The following CELF2 variants were observed in gnomAD, a reference collection of about 807,000 sequenced individuals.
The protein encoded by CELF2 is CUG triplet repeat RNA-binding protein 2.
In CELF2, 8 loss-of-function variants were observed where a neutral mutation model predicts 62.6. The observed-to-expected ratio is 0.13, with a 90% CI of 0.07 to 0.23. The LOEUF is 0.23. CELF2 is among the 10% of genes least tolerant of loss of function. The probability of loss-of-function intolerance (pLI) is 1.00; values close to 1 mark genes in which losing one functional copy is unlikely to be tolerated. For missense variants in CELF2, 333 were observed against 671.0 expected, an observed-to-expected ratio of 0.50 and a Z score of 5.56; for synonymous variants, 258 against 250.0, an observed-to-expected ratio of 1.03 and a Z score of -0.30.
intron 10 of CELF2, chr10:11,317,181 A>G (rs1462272719): frequency 6.6e-6 from 1 of 152,076 alleles, no homozygotes; most frequent in African/African-American, 2.4e-5. Flanking sequence ...ATTGTTTAAA[A>G]AAAAAAAAAC....
chr10:11,328,755 G>A lies in CELF2; in HGVS notation c.1439-171G>A, dbSNP rs1022058869. ...TGCTCCACAGCTGCTCAGTGGGCAC[G>A]CCCCATCATCCACTCACGGTGGACT... On this transcript the variant is annotated intron_variant, in intron 12 of 12. Transcript: ENST00000633077. This position sits in a 1 kb window ranked among gnomAD's most constrained non-coding sequence, Gnocchi z 6.4. 3.9e-5 allele frequency among the ~76,000 whole-genome samples: 6 copies of A among 152,164 alleles called. No individual in the cohort carries two copies. Among genetic ancestry groups the A allele is most frequent in the Non-Finnish European group, 5.9e-5 (4 of 68,014 alleles).
chr10:10,479,909 A>C, the CELF2 span, among the ~76,000 whole-genome samples: 1 of 152,354 alleles, frequency 6.6e-6, no homozygotes, highest in East Asian at 1.9e-4. Context: ...AAGAAAACGT[A>C]ACTGTGCATT....
intron 8 of CELF2, among the ~76,000 whole-genome samples, chr10:11,287,414 G>A (rs560802721): frequency 3.3e-5 from 5 of 152,270 alleles, no homozygotes; most frequent in South Asian, 2.1e-4. Context: ...CTAACTATCC[G>A]GTGTAGACAC....
chr10:11,101,926 T>A lies in CELF2; in HGVS notation c.75-63560T>A, dbSNP rs17149511. Among the ~76,000 whole-genome samples the A allele has an allele frequency of 9.3e-4, 142 of 152,250 alleles. 2 individuals carry two copies. The East Asian group carries it at 0.025, about 27-fold the overall frequency. ...TGAGGTATCCTGGTTTAAAGCAATT[T>A]CCTGGGAGAAAGCATCAAACTCCCA... On this transcript the variant is annotated intron_variant, in intron 1 of 12. Coordinates refer to ENST00000633077, the MANE Select transcript of CELF2 (RefSeq NM_001326342.2).
rs1229040418 is a variant in CELF2, at chr10:11,329,456, T to C, written c.*403T>C. On this transcript the variant is annotated 3_prime_UTR_variant, in exon 13 of 13. Transcript: ENST00000633077. The surrounding 1 kb of genome is among the most constrained non-coding windows in gnomAD (Gnocchi z 5.5). ...TGTGCAATTCTAACTCTGAAACCAC[T>C]GGTGCCCCGAGAGCACTGCCTGGAG... The C allele has an allele frequency of 6.5e-6, 1 of 153,070 alleles. No homozygotes were observed. Among genetic ancestry groups the C allele is most frequent in the African/African-American group, 2.4e-5 (1 of 41,566 alleles). 9.5% of individuals were successfully genotyped at this position (153,070 alleles called of 1,614,324 possible). A position where few individuals can be genotyped will look rare whatever the true frequency, so the allele number is the denominator to read the frequency against.
At chr10:11,186,591 C>G (rs1008933610) in intron 2 of CELF2, among the ~76,000 whole-genome samples, 1 of 152,088 alleles carries the variant, frequency 6.6e-6, no homozygotes, top group Admixed American at 6.5e-5. Flanking sequence ...GTGGGTTATT[C>G]AGAATGTGTC....
intron 1 of CELF2, among the ~76,000 whole-genome samples, chr10:10,842,228 T>C (rs1005659757): frequency 2.6e-5 from 4 of 152,076 alleles, no homozygotes; most frequent in African/African-American, 9.6e-5. Context: ...AATTATGCCA[T>C]CTAAAATAAA....
At chr10:11,287,173 C>T (rs971370676) in intron 8 of CELF2, among the ~76,000 whole-genome samples, 6 of 152,090 alleles carry the variant, frequency 3.9e-5, no homozygotes, top group East Asian at 1.9e-4. Context: ...GAATTTGCTC[C>T]GTAGATATTG....
intron 1 of CELF2, among the ~76,000 whole-genome samples, chr10:11,048,262 T>C (rs1303853858): frequency 2.0e-5 from 3 of 152,242 alleles, no homozygotes; most frequent in Non-Finnish European, 4.4e-5. Context: ...TTATTAACAC[T>C]CTTGACAATA....
chr10:11,133,242 A>G (rs1207049882), intron 1 of CELF2, among the ~76,000 whole-genome samples: 2 of 152,220 alleles, frequency 1.3e-5, no homozygotes, highest in African/African-American at 4.8e-5. Context: ...AACCAGGTAG[A>G]GTAACAGATT....
intron 2 of CELF2, among the ~76,000 whole-genome samples, chr10:10,987,940 T>C (rs766117611): frequency 2.1e-5 from 3 of 141,742 alleles, no homozygotes; most frequent in Non-Finnish European, 4.4e-5. Flanking sequence ...AGAATGGCCG[T>C]AATTAAAACG....
chr10:10,675,829 A>G, the CELF2 span, among the ~76,000 whole-genome samples: 1 of 151,988 alleles, frequency 6.6e-6, no homozygotes, highest in African/African-American at 2.4e-5. Context: ...TAGGATTTCC[A>G]TCTCTTTTCT....
chr10:10,650,952 T>C, the CELF2 span, among the ~76,000 whole-genome samples: 1 of 152,100 alleles, frequency 6.6e-6, no homozygotes, highest in African/African-American at 2.4e-5. Context: ...CATTTCCATC[T>C]GAGGTACCGG....
intron 1 of CELF2, among the ~76,000 whole-genome samples, chr10:11,025,714 G>C (rs4750013): frequency 0.74 from 112,354 of 152,232 alleles, 45,125 homozygotes; most frequent in East Asian, 0.9. Flanking sequence ...TTACAAAAGT[G>C]ATCATACTTG....
chr10:10,495,008 G>A, the CELF2 span, among the ~76,000 whole-genome samples: 2 of 152,226 alleles, frequency 1.3e-5, no homozygotes, highest in South Asian at 4.2e-4. Flanking sequence ...CAGGTGCAAT[G>A]GTTCATGCCT....
At chr10:11,116,477 C>A (rs2056589796) in intron 1 of CELF2, among the ~76,000 whole-genome samples, 1 of 152,188 alleles carries the variant, frequency 6.6e-6, no homozygotes, top group Non-Finnish European at 1.5e-5. Context: ...CACTAACATA[C>A]ATGTGAGGCC....
chr10:11,136,331 G>A (rs1391892948), intron 1 of CELF2, among the ~76,000 whole-genome samples: 24 of 152,172 alleles, frequency 1.6e-4, no homozygotes, highest in Admixed American at 4.6e-4. Flanking sequence ...GGCCGGGCCC[G>A]GTGGCTCACA....
the CELF2 span, among the ~76,000 whole-genome samples, chr10:10,758,354 C>A: frequency 3.0e-4 from 45 of 152,180 alleles, no homozygotes; most frequent in Admixed American, 5.2e-4. Context: ...CACCTTTACA[C>A]CCTTCAGAGT....
chr10:10,972,320 G>A lies in CELF2; in HGVS notation c.89+52321G>A, dbSNP rs2136205080. On this transcript the variant is annotated intron_variant, in intron 2 of 13. Transcript: ENST00000636488. This position sits in a 1 kb window ranked among gnomAD's most constrained non-coding sequence, Gnocchi z 4.4. Reference sequence around the variant, plus strand: ...GAAGCTCTACATATCATCATCCCCTGTAAAAATTCACAATAGAAATTAGCA... The same window carrying A: ...GAAGCTCTACATATCATCATCCCCTATAAAAATTCACAATAGAAATTAGCA... Among the ~76,000 whole-genome samples, 5 of 152,240 alleles carry A rather than the reference G, an allele frequency of 3.3e-5. No homozygotes were observed. The South Asian group carries it at 1.0e-3, about 32-fold the overall frequency.
Sources: gnomAD v4.1 joint callset for allele counts (sites outside exome capture counted in the v4.1 genomes callset) on GRCh38, gnomAD v4.1.1 for gene constraint, Gnocchi (gnomAD v3.1) non-coding constraint, MANE v1.5 for transcripts, NCBI Gene and HGNC (gene_info 2026-07-23, HGNC 2026-07-21) for gene names.